The following HYDIN variants were observed in gnomAD, a reference collection of about 807,000 sequenced individuals.
HYDIN encodes HYDIN axonemal central pair apparatus protein.
HYDIN carries 132 observed loss-of-function variants against 403.9 expected under a neutral mutation model. The ratio of observed to expected loss-of-function variants is 0.33; its 90% CI spans 0.28 to 0.38. The LOEUF (loss-of-function observed/expected upper bound fraction) is 0.38. Among genes scored for constraint, HYDIN ranks in the 10% least tolerant of loss-of-function variants. The pLI is 1.00. For synonymous variants in HYDIN, 1,202 were observed against 1,891.7 expected (o/e 0.64, Z 9.46); for missense variants, 2,827 against 5,009.5 (o/e 0.56, Z 13.15).
chr16:71,190,216 T>C lies in HYDIN; in HGVS notation c.-23-3298A>G, dbSNP rs185138321. ...GTAATTTGAGGACAAGGGTACAAAA[T>C]GTATACAGTGAACTTGGCACATTGT... On this transcript the variant is annotated intron_variant, in intron 1 of 85. Transcript: ENST00000393567. Among the ~76,000 whole-genome samples the C allele has an allele frequency of 1.9e-3, 295 of 152,154 alleles. 5 individuals carry two copies. The highest frequency in any genetic ancestry group is 6.7e-3 in the African/African-American group (279 of 41,502).
chr16:70,992,034 G>C (rs2079370527), intron 24 of HYDIN, 36 bp downstream of exon 24: 14 of 1,612,858 alleles, frequency 8.7e-6, no homozygotes, highest in Non-Finnish European at 1.2e-5. Context: ...GAAAAGAAAA[G>C]CTACTACAAA....
intron 6 of HYDIN, among the ~76,000 whole-genome samples, chr16:71,153,487 G>C (rs1225218598): frequency 6.6e-6 from 1 of 151,800 alleles, no homozygotes; most frequent in East Asian, 1.9e-4. Context: ...CTAAGAGAAG[G>C]CTGCCTTATG....
chr16:71,129,566 G>A (rs2084620877), intron 9 of HYDIN, 74 bp downstream of exon 9: 2 of 1,402,794 alleles, frequency 1.4e-6, no homozygotes, highest in East Asian at 2.4e-5. Context: ...ATCCCCAAGT[G>A]AGCGCTCTTA....
chr16:70,984,576 T>C (rs1040299575), intron 28 of HYDIN, among the ~76,000 whole-genome samples: 15 of 150,874 alleles, frequency 9.9e-5, no homozygotes, highest in African/African-American at 3.7e-4. Context: ...AACCCAAATA[T>C]GTGAGATGAT....
At chr16:71,165,531 C>G (rs755193361) in intron 5 of HYDIN, among the ~76,000 whole-genome samples, 1 of 150,678 alleles carries the variant, frequency 6.6e-6, no homozygotes, top group African/African-American at 2.5e-5. Flanking sequence ...ATGTCTCCCC[C>G]GTATTTCCAT....
At chr16:70,994,064 T>C (rs1472149451) in intron 23 of HYDIN, among the ~76,000 whole-genome samples, 1 of 152,214 alleles carries the variant, frequency 6.6e-6, no homozygotes, top group Non-Finnish European at 1.5e-5. Flanking sequence ...AATTATTTTC[T>C]TGCCTGGTGA....
chr16:71,035,850 C>T (rs1280250503), intron 18 of HYDIN, among the ~76,000 whole-genome samples: 1 of 152,068 alleles, frequency 6.6e-6, no homozygotes, highest in African/African-American at 2.4e-5. Context: ...TGACATCCAG[C>T]TGGCCAGTAA....
At chr16:71,214,647 A>G (rs1360321441) in intron 1 of HYDIN, among the ~76,000 whole-genome samples, 1 of 152,206 alleles carries the variant, frequency 6.6e-6, no homozygotes, top group Non-Finnish European at 1.5e-5. Context: ...TGTGAAGGAC[A>G]TATTCCTTGA....
intron 2 of HYDIN, among the ~76,000 whole-genome samples, chr16:71,185,409 T>C (rs1046499093): frequency 4.6e-5 from 7 of 152,150 alleles, no homozygotes; most frequent in Middle Eastern, 3.2e-3. Context: ...TCAACTAACA[T>C]TACAATATGC....
intron 72 of HYDIN, among the ~76,000 whole-genome samples, chr16:70,857,098 TACC>T: frequency 7.4e-6 from 1 of 135,472 alleles, no homozygotes; most frequent in Non-Finnish European, 1.6e-5. Context: ...TTATTCTCCC[TACC>T]CTGCTGTCCT....
At chr16:71,224,159 T>C (rs993533579) in intron 1 of HYDIN, among the ~76,000 whole-genome samples, 3 of 152,232 alleles carry the variant, frequency 2.0e-5, no homozygotes, top group East Asian at 1.9e-4. Flanking sequence ...TGGATGCAGC[T>C]GGAGGCCATT....
intron 46 of HYDIN, 103 bp downstream of exon 46, chr16:70,920,488 T>A (rs759322347): frequency 5.4e-6 from 4 of 741,286 alleles, no homozygotes; most frequent in Admixed American, 5.6e-5. Flanking sequence ...TGCATGCAGT[T>A]GAGGGGATAT....
At chr16:71,162,780 C>T (rs933521633) in intron 5 of HYDIN, 50 bp from the exon 6 acceptor site, 15 of 585,012 alleles carry the variant, frequency 2.6e-5, no homozygotes, top group Non-Finnish European at 3.4e-5. Flanking sequence ...AACATGATCA[C>T]GATAACTGTT....
chr16:70,847,630 T>C (rs1309252801), intron 75 of HYDIN, among the ~76,000 whole-genome samples: 9 of 151,936 alleles, frequency 5.9e-5, no homozygotes, highest in Admixed American at 2.0e-4. Context: ...TTTTTTTTTT[T>C]CAGCACGTTG....
intron 5 of HYDIN, among the ~76,000 whole-genome samples, chr16:71,170,416 C>T (rs757830327): frequency 6.6e-6 from 1 of 152,018 alleles, no homozygotes; most frequent in East Asian, 1.9e-4. Flanking sequence ...TACCACATCA[C>T]CTGTGAAGGA....
chr16:70,807,791 A>G lies in HYDIN; in HGVS notation c.15155T>C (p.Phe5052Ser). The G allele has an allele frequency of 6.2e-7, 1 of 1,614,166 alleles. No individual in the cohort carries two copies. Among genetic ancestry groups the G allele is most frequent in the Non-Finnish European group, 8.5e-7 (1 of 1,180,038 alleles). ...GGCTGGGTTATCCACGATGATGGAG[A>G]AGGTCACCATGTGATAGAAGACATT... ...FKNVFYHMVT[F>S]SIIVDNPAFT... The change falls in exon 86 of 86, where the codon TTC becomes TCC. Residue 5052 changes from phenylalanine to serine, a missense_variant. Coordinates refer to ENST00000393567, the MANE Select transcript of HYDIN (RefSeq NM_001270974.2).
intron 9 of HYDIN, among the ~76,000 whole-genome samples, chr16:71,128,302 T>C (rs991823522): frequency 1.3e-5 from 2 of 151,628 alleles, no homozygotes; most frequent in African/African-American, 4.8e-5. Flanking sequence ...TATTAAAGAC[T>C]TTCCAAAGTC....
chr16:70,861,168 T>C (rs1395646948), intron 69 of HYDIN, among the ~76,000 whole-genome samples: 1 of 152,182 alleles, frequency 6.6e-6, no homozygotes, highest in Non-Finnish European at 1.5e-5. Context: ...TGCTGCAAAA[T>C]GAGCACAGTC....
chr16:71,094,249 T>C (rs1046338209), intron 10 of HYDIN, among the ~76,000 whole-genome samples: 1 of 151,126 alleles, frequency 6.6e-6, no homozygotes, highest in Admixed American at 6.6e-5. Flanking sequence ...GAGAAACATA[T>C]AAAAACACAA....
Sources: gnomAD v4.1 joint callset for allele counts (sites outside exome capture counted in the v4.1 genomes callset) on GRCh38, gnomAD v4.1.1 for gene constraint, MANE v1.5 for transcripts, NCBI Gene and HGNC (gene_info 2026-07-23, HGNC 2026-07-21) for gene names.